Variants in MLLT10 observed in about 807,000 individuals in gnomAD.
MLLT10 encodes the protein MLLT10 histone lysine methyltransferase DOT1L cofactor.
Under a neutral mutation model 129.1 loss-of-function variants are expected in MLLT10, and 30 were observed. The observed-to-expected ratio is 0.23, with a 90% CI of 0.17 to 0.32. MLLT10 has a LOEUF of 0.32. Ranked by LOEUF, MLLT10 falls within the 10% of genes least tolerant of loss-of-function variation. MLLT10 has a pLI of 1.00. For synonymous variants in MLLT10, 490 were observed against 446.4 expected (o/e 1.10, Z -1.23); for missense variants, 1,119 against 1,268.3 (o/e 0.88, Z 1.79).
chr10:21,665,298 TTTTGG>T (rs1459891565), intron 9 of MLLT10, among the ~76,000 whole-genome samples: 3 of 101,184 alleles, frequency 3.0e-5, no homozygotes, highest in Non-Finnish European at 2.1e-5. Context: ...TGTTTGTTTT[TTTTGG>T]GGGGGGGGGG....
At chr10:21,708,668 G>T in intron 13 of MLLT10, 1 of 985,054 alleles carries the variant, frequency 1.0e-6, no homozygotes, top group African/African-American at 1.7e-5. Context: ...GTAAGTATAC[G>T]TTGATGTAAT....
intron 4 of MLLT10, among the ~76,000 whole-genome samples, chr10:21,593,457 A>G (rs1245755628): frequency 1.3e-5 from 2 of 152,064 alleles, no homozygotes; most frequent in Non-Finnish European, 2.9e-5. Flanking sequence ...ATTTGCATCA[A>G]TTTAGAATTT....
In MLLT10 at chr10:21,534,304, G is replaced by A. The variant is rs1022305890; in HGVS notation, c.-217G>A. ...TCCCTCGCTGCCCCTGGCCCAGCGG[G>A]AGCCCCCCCTCCCCCCAGTGCGCCT... On this transcript the variant is annotated 5_prime_UTR_variant, in exon 1 of 23. Coordinates refer to ENST00000307729, the MANE Select transcript of MLLT10 (RefSeq NM_001195626.3). The A allele has an allele frequency of 5.3e-6, 2 of 376,928 alleles. No homozygotes were observed. Among genetic ancestry groups the A allele is most frequent in the African/African-American group, 4.3e-5 (2 of 46,140 alleles). The allele number at this position is 376,928 out of a possible 1,614,324, so 23.3% of individuals were successfully genotyped here.
Position 21,666,181 on chromosome 10 carries a change from G to A in MLLT10, c.796-4268G>A, listed in dbSNP as rs550562921. Among the ~76,000 whole-genome samples the A allele has an allele frequency of 8.5e-5, 13 of 152,140 alleles. No individual in the cohort carries two copies. In the East Asian group the frequency reaches 2.5e-3, roughly 29 times the overall value. ...TGTTTGATTTAGAGAGTACGGTATA[G>A]CGTCGTTAGCCTATCAGAGTTTACC... On this transcript the variant is annotated intron_variant, in intron 9 of 22. Coordinates refer to ENST00000307729, the MANE Select transcript of MLLT10 (RefSeq NM_001195626.3).
chr10:21,658,576 A>T lies in MLLT10; in HGVS notation c.795+6808A>T, dbSNP rs2049846762. 2.0e-5 allele frequency among the ~76,000 whole-genome samples: 3 copies of T among 152,214 alleles called. No homozygotes were observed. The South Asian group carries it at 6.2e-4, about 32-fold the overall frequency. The stretch of plus-strand genomic sequence containing the variant: ...CTACTATAAATATTGTATAAATCTT[A>T]TAAGATATATGTTTTTATTTCTCTT... On this transcript the variant is annotated intron_variant, in intron 9 of 22. Coordinates refer to ENST00000307729, the MANE Select transcript of MLLT10 (RefSeq NM_001195626.3).
chr10:21,726,393 C>A, intron 15 of MLLT10, 38 bp downstream of exon 15: 2 of 1,409,154 alleles, frequency 1.4e-6, no homozygotes, highest in South Asian at 2.4e-5. Flanking sequence ...AAACCCTACT[C>A]TCACCTACTT....
chr10:21,650,622 G>A (rs1323174697), intron 8 of MLLT10, among the ~76,000 whole-genome samples: 1 of 151,972 alleles, frequency 6.6e-6, no homozygotes, highest in East Asian at 1.9e-4. Flanking sequence ...TAAGCTTCAT[G>A]AGAAATAAAC....
At chr10:21,588,021 T>C (rs1223608645) in intron 4 of MLLT10, among the ~76,000 whole-genome samples, 2 of 152,214 alleles carry the variant, frequency 1.3e-5, no homozygotes, top group Admixed American at 6.5e-5. Flanking sequence ...TCTTAATTTA[T>C]TTCACTGAAC....
intron 13 of MLLT10, among the ~76,000 whole-genome samples, chr10:21,687,254 T>C (rs2053399340): frequency 6.6e-6 from 1 of 152,168 alleles, no homozygotes; most frequent in Non-Finnish European, 1.5e-5. Context: ...AAGAACAGGG[T>C]TCTACTTAGG....
At chr10:21,625,138 G>A in intron 8 of MLLT10, 1 of 1,071,842 alleles carries the variant, frequency 9.3e-7, no homozygotes, top group Non-Finnish European at 1.4e-6. Context: ...CTAATCGGAA[G>A]CGGCATGCGA....
intron 6 of MLLT10, among the ~76,000 whole-genome samples, chr10:21,613,262 C>T (rs913676383): frequency 7.6e-6 from 1 of 132,098 alleles, no homozygotes; most frequent in African/African-American, 2.8e-5. Context: ...AAATTATTTA[C>T]AACAATATAT....
At chr10:21,579,824 A>G (rs755805558) in intron 3 of MLLT10, among the ~76,000 whole-genome samples, 16 of 151,790 alleles carry the variant, frequency 1.1e-4, no homozygotes, top group Non-Finnish European at 2.4e-4. Flanking sequence ...CGGCCTCCCA[A>G]AGTGCTGGGA....
chr10:21,697,037 T>G (rs771962195), intron 13 of MLLT10, among the ~76,000 whole-genome samples: 1 of 138,042 alleles, frequency 7.2e-6, no homozygotes, highest in Non-Finnish European at 1.5e-5. Context: ...CTTTACTTAT[T>G]ATACCATCAG....
intron 13 of MLLT10, among the ~76,000 whole-genome samples, chr10:21,684,119 T>A (rs1013047348): frequency 6.6e-6 from 1 of 152,164 alleles, no homozygotes; most frequent in Admixed American, 6.5e-5. Flanking sequence ...CAAGTGATCC[T>A]TCCACCTCAG....
At chr10:21,676,592 G>A (rs958274396) in intron 11 of MLLT10, among the ~76,000 whole-genome samples, 2 of 149,770 alleles carry the variant, frequency 1.3e-5, no homozygotes, top group African/African-American at 4.9e-5. Flanking sequence ...GTGGTGGCAC[G>A]CACCTGTAGT....
chr10:21,609,934 CA>C (rs1368906518), intron 5 of MLLT10, among the ~76,000 whole-genome samples: 3 of 152,022 alleles, frequency 2.0e-5, no homozygotes, highest in Non-Finnish European at 4.4e-5. Flanking sequence ...TTATTTTTGA[CA>C]AAAACCTTAA....
chr10:21,730,457 A>C (rs1435561387), intron 16 of MLLT10, among the ~76,000 whole-genome samples: 2 of 152,200 alleles, frequency 1.3e-5, no homozygotes, highest in African/African-American at 4.8e-5. Context: ...AGTTGGTTGT[A>C]AATTCAAATA....
chr10:21,562,201 A>G (rs1468961371), intron 3 of MLLT10, among the ~76,000 whole-genome samples: 1 of 151,760 alleles, frequency 6.6e-6, no homozygotes, highest in Non-Finnish European at 1.5e-5. Context: ...TGTTTTGGCT[A>G]TTTGAGGTCC....
chr10:21,535,927 G>T (rs1346711840), intron 2 of MLLT10, among the ~76,000 whole-genome samples: 2 of 152,156 alleles, frequency 1.3e-5, no homozygotes, highest in African/African-American at 4.8e-5. Context: ...TTTATTCCCA[G>T]ACTTTTATTT....
Sources: allele counts gnomAD v4.1 joint callset (sites outside exome capture counted in the v4.1 genomes callset), GRCh38; gene constraint gnomAD v4.1.1; transcripts MANE v1.5; gene names NCBI Gene and HGNC (gene_info 2026-07-23, HGNC 2026-07-21).